Variants in FAM193A observed in about 807,000 individuals in gnomAD.
FAM193A encodes family with sequence similarity 193 member A.
Under a neutral mutation model 126.5 loss-of-function variants are expected in FAM193A, and 22 were observed. The observed-to-expected ratio is 0.17, with a 90% CI of 0.12 to 0.25. FAM193A has a LOEUF of 0.25. Ranked by LOEUF, FAM193A falls within the 10% of genes least tolerant of loss-of-function variation. The pLI, the probability that FAM193A is intolerant of heterozygous loss-of-function variation, is 1.00. For missense variants in FAM193A, 1,675 were observed against 1,672.8 expected (o/e 1.00, Z -0.02); for synonymous variants, 761 against 646.8 (o/e 1.18, Z -2.68).
intron 7 of FAM193A, among the ~76,000 whole-genome samples, chr4:2,653,840 C>A (rs1745912166): frequency 6.6e-6 from 1 of 152,200 alleles, no homozygotes; most frequent in Non-Finnish European, 1.5e-5. Flanking sequence ...TAGTAACATC[C>A]AGAGAATAAT....
intron 15 of FAM193A, among the ~76,000 whole-genome samples, chr4:2,693,149 G>C (rs926394798): frequency 6.6e-6 from 1 of 152,100 alleles, no homozygotes; most frequent in African/African-American, 2.4e-5. Context: ...CTCCCGCGTA[G>C]CTGGGACTAC....
intron 1 of FAM193A, among the ~76,000 whole-genome samples, chr4:2,554,975 C>T (rs577403772): frequency 6.6e-6 from 1 of 152,124 alleles, no homozygotes; most frequent in African/African-American, 2.4e-5. Context: ...AAATGAATTT[C>T]CTGTAGATAG....
At chr4:2,709,396 T>C (rs1478723250) in intron 19 of FAM193A, among the ~76,000 whole-genome samples, 1 of 152,130 alleles carries the variant, frequency 6.6e-6, no homozygotes, top group Non-Finnish European at 1.5e-5. Context: ...AATATTATAC[T>C]TGCCTCATAA....
At chr4:2,596,436 T>C (rs1349659169) in intron 2 of FAM193A, 107 bp downstream of exon 2, 1 of 639,072 alleles carries the variant, frequency 1.6e-6, no homozygotes, top group African/African-American at 1.8e-5. Flanking sequence ...CAGGGGGCAC[T>C]CCCTCCTGCA....
At chr4:2,687,218 T>G (rs1447503437) in intron 13 of FAM193A, among the ~76,000 whole-genome samples, 1 of 152,120 alleles carries the variant, frequency 6.6e-6, no homozygotes, top group Non-Finnish European at 1.5e-5. Context: ...GGTCGGTTGG[T>G]CAGGTGTTTT....
At chr4:2,676,783 A>C (rs538601752) in intron 13 of FAM193A, among the ~76,000 whole-genome samples, 1 of 152,244 alleles carries the variant, frequency 6.6e-6, no homozygotes, top group African/African-American at 2.4e-5. Context: ...TCTACTAAAA[A>C]TAAAAAAATT....
intron 6 of FAM193A, among the ~76,000 whole-genome samples, chr4:2,642,620 C>T (rs1411666236): frequency 2.0e-5 from 3 of 146,500 alleles, no homozygotes; most frequent in African/African-American, 7.4e-5. Context: ...AAACAAGATT[C>T]CAGGGAATCT....
chr4:2,723,732 C>A (rs1429345109), intron 20 of FAM193A, among the ~76,000 whole-genome samples: 9 of 152,128 alleles, frequency 5.9e-5, no homozygotes, highest in Admixed American at 3.3e-4. Context: ...TCAAAGGTTT[C>A]AAAAAGCAAA....
intron 1 of FAM193A, among the ~76,000 whole-genome samples, chr4:2,581,063 AG>A (rs1315029110): frequency 6.7e-6 from 1 of 150,358 alleles, no homozygotes; most frequent in African/African-American, 2.4e-5. Context: ...CGGGAGGCGG[AG>A]GTTGCAGTGA....
chr4:2,691,641 G>A (rs543609775), intron 15 of FAM193A, among the ~76,000 whole-genome samples: 1 of 152,148 alleles, frequency 6.6e-6, no homozygotes, highest in African/African-American at 2.4e-5. Context: ...CCAAAGCTGG[G>A]ACAGATTGAG....
intron 2 of FAM193A, among the ~76,000 whole-genome samples, chr4:2,617,432 A>G (rs1179562832): frequency 2.7e-5 from 4 of 148,356 alleles, no homozygotes; most frequent in African/African-American, 1.0e-4. Flanking sequence ...CACCTGGCTA[A>G]TTTTTGTATT....
chr4:2,544,184 T>C (rs568503955), intron 1 of FAM193A, among the ~76,000 whole-genome samples: 16 of 152,346 alleles, frequency 1.1e-4, no homozygotes, highest in East Asian at 9.6e-4. Flanking sequence ...CCATACACGC[T>C]TTAGAAATGG....
chr4:2,608,626 CTGTT>C (rs916556348), intron 2 of FAM193A, among the ~76,000 whole-genome samples: 3 of 152,104 alleles, frequency 2.0e-5, no homozygotes, highest in African/African-American at 7.2e-5. Flanking sequence ...CCTCGGCACA[CTGTT>C]TGCCATAGGC....
At chr4:2,727,723 C>T (rs570687741) in intron 20 of FAM193A, among the ~76,000 whole-genome samples, 1 of 152,168 alleles carries the variant, frequency 6.6e-6, no homozygotes, top group Non-Finnish European at 1.5e-5. Flanking sequence ...CCTTTGTTTG[C>T]CTAAAGGTAG....
intron 5 of FAM193A, among the ~76,000 whole-genome samples, chr4:2,632,974 C>T (rs898730203): frequency 2.0e-5 from 3 of 152,190 alleles, no homozygotes; most frequent in Admixed American, 1.3e-4. Flanking sequence ...TGCTGCTCTC[C>T]AGAAAATGCT....
intron 7 of FAM193A, among the ~76,000 whole-genome samples, chr4:2,653,270 T>C (rs1307583779): frequency 6.6e-6 from 1 of 152,180 alleles, no homozygotes; most frequent in Admixed American, 6.5e-5. Flanking sequence ...GTATTATTGC[T>C]GTTGTTCTAG....
At chr4:2,655,558 G>A (rs1711574377) in intron 7 of FAM193A, among the ~76,000 whole-genome samples, 1 of 152,082 alleles carries the variant, frequency 6.6e-6, no homozygotes, top group Admixed American at 6.6e-5. Context: ...GTTCTCTGCA[G>A]CCTCGAACTC....
In FAM193A at chr4:2,731,822, A is replaced by G; in HGVS notation, c.4502A>G (p.Asn1501Ser). 2 of 1,614,162 alleles carry G rather than the reference A, an allele frequency of 1.2e-6. No homozygotes were observed. Among genetic ancestry groups the G allele is most frequent in the Non-Finnish European group, 1.7e-6 (2 of 1,180,026 alleles). ...CAGACCCGACAAAGACTGTCTATCA[A>G]CTGGTCCAATTTTAGCTTGAAAAAA... The part of the protein sequence containing the change: ...ARQTRQRLSI[N>S]WSNFSLKKAT... The change falls in exon 21 of 21, where the codon AAC becomes AGC. Residue 1501 changes from asparagine to serine, a missense_variant. Physicochemically the swap from Asn to Ser is conservative, Grantham distance 46 (BLOSUM62 1). Transcript: ENST00000637812.
Position 2,696,606 on chromosome 4 carries a change from TCTC to T in FAM193A, c.3507+14_3507+16del. 1 of 1,606,454 alleles carries T rather than the reference TCTC, an allele frequency of 6.2e-7. No homozygotes were observed. The highest frequency in any genetic ancestry group is 1.1e-5 in the South Asian group (1 of 90,874). On this transcript the variant is annotated intron_variant, in intron 18 of 20. Coordinates refer to ENST00000637812, the MANE Select transcript of FAM193A (RefSeq NM_001366318.2). Reference sequence around the variant, plus strand: ...TAAGCAAAGGAAGGCAAGTGACAGTTCTCAGCACCTGGAGGCGCCAGGTCTGAG... The same window carrying T: ...TAAGCAAAGGAAGGCAAGTGACAGTTAGCACCTGGAGGCGCCAGGTCTGAG...
Sources: gnomAD v4.1 joint callset for allele counts (sites outside exome capture counted in the v4.1 genomes callset) on GRCh38, gnomAD v4.1.1 for gene constraint, MANE v1.5 for transcripts, NCBI Gene and HGNC (gene_info 2026-07-23, HGNC 2026-07-21) for gene names.